The following NALF1 variants were observed in gnomAD, a reference collection of about 807,000 sequenced individuals.
NALF1 encodes the protein family with sequence similarity 155 member A.
A neutral mutation model predicts 48.4 loss-of-function variants in NALF1; 3 were observed. That is an observed-to-expected ratio of 0.06 (90% CI 0.03 to 0.16). The LOEUF (loss-of-function observed/expected upper bound fraction) is 0.16, where lower values mean the gene tolerates loss of function less well. Among genes scored for constraint, NALF1 ranks in the 10% least tolerant of loss-of-function variants. NALF1 has a pLI of 1.00. For synonymous variants in NALF1, 262 were observed against 245.7 expected (o/e 1.07, Z -0.62); for missense variants, 526 against 571.5 (o/e 0.92, Z 0.81).
At chr13:107,721,660 T>G (rs961640505) in intron 1 of NALF1, among the ~76,000 whole-genome samples, 10 of 152,082 alleles carry the variant, frequency 6.6e-5, no homozygotes, top group African/African-American at 2.4e-4. Flanking sequence ...CACTGGCTGT[T>G]TTTCTGGCAG....
intron 1 of NALF1, among the ~76,000 whole-genome samples, chr13:107,542,797 C>G (rs190721854): frequency 2.6e-5 from 4 of 152,124 alleles, no homozygotes; most frequent in Non-Finnish European, 5.9e-5. Flanking sequence ...TCAAATTTTT[C>G]TTAGAAAATC....
At chr13:107,720,886 T>C (rs1321815833) in intron 1 of NALF1, among the ~76,000 whole-genome samples, 1 of 152,182 alleles carries the variant, frequency 6.6e-6, no homozygotes, top group Non-Finnish European at 1.5e-5. Context: ...TTTTTATCCA[T>C]GCTGGCAGGA....
chr13:107,654,824 G>C (rs1234679774), intron 1 of NALF1, among the ~76,000 whole-genome samples: 2 of 152,006 alleles, frequency 1.3e-5, no homozygotes, highest in Non-Finnish European at 2.9e-5. Flanking sequence ...TTCATACCAG[G>C]GCTGCAGGAA....
intron 1 of NALF1, among the ~76,000 whole-genome samples, chr13:107,815,549 C>T (rs899637712): frequency 6.6e-6 from 1 of 152,100 alleles, no homozygotes; most frequent in African/African-American, 2.4e-5. Flanking sequence ...GGGACCCTTG[C>T]ACATTGCTAG....
At chr13:107,595,424 T>C (rs1425377916) in intron 1 of NALF1, among the ~76,000 whole-genome samples, 1 of 152,156 alleles carries the variant, frequency 6.6e-6, no homozygotes, top group Admixed American at 6.6e-5. Context: ...GTTCTACTGA[T>C]GGCACTAGAA....
intron 1 of NALF1, among the ~76,000 whole-genome samples, chr13:107,818,318 T>C (rs530221710): frequency 1.3e-5 from 2 of 152,284 alleles, no homozygotes; most frequent in East Asian, 3.9e-4. Context: ...GAGAGCCAAG[T>C]TCTCTCTGAG....
intron 1 of NALF1, among the ~76,000 whole-genome samples, chr13:107,810,212 C>T (rs1033578982): frequency 1.3e-5 from 2 of 152,196 alleles, no homozygotes; most frequent in African/African-American, 4.8e-5. Flanking sequence ...AATGGAAAAC[C>T]CATACTCTAC....
intron 1 of NALF1, among the ~76,000 whole-genome samples, chr13:107,745,440 G>C (rs973033156): frequency 6.6e-6 from 1 of 152,164 alleles, no homozygotes; most frequent in Non-Finnish European, 1.5e-5. Context: ...AGCAGTTCTA[G>C]TATGTTGCCT....
At chr13:107,405,236 A>G (rs9301220) in intron 1 of NALF1, among the ~76,000 whole-genome samples, 195 of 152,210 alleles carry the variant, frequency 1.3e-3, no homozygotes, top group African/African-American at 4.6e-3. Context: ...ATAAATGAAA[A>G]TATCCAGGAT....
chr13:107,299,476 A>AATAATAAT (rs1193044497), intron 1 of NALF1, among the ~76,000 whole-genome samples: 1 of 134,802 alleles, frequency 7.4e-6, no homozygotes, highest in African/African-American at 2.6e-5. Context: ...AATAATAAAT[A>AATAATAAT]AATAAATAAA....
At chr13:107,409,529 A>T (rs145193424) in intron 1 of NALF1, among the ~76,000 whole-genome samples, 74 of 152,268 alleles carry the variant, frequency 4.9e-4, no homozygotes, top group African/African-American at 1.8e-3. Flanking sequence ...TGGGGCTCAA[A>T]AATCAGTGTG....
intron 1 of NALF1, among the ~76,000 whole-genome samples, chr13:107,773,970 C>A (rs970237553): frequency 1.3e-5 from 2 of 151,850 alleles, no homozygotes; most frequent in Non-Finnish European, 2.9e-5. Flanking sequence ...GATCCTGCTG[C>A]AGATAGATTT....
At chr13:107,660,540 T>G (rs1040536474) in intron 1 of NALF1, among the ~76,000 whole-genome samples, 1 of 151,568 alleles carries the variant, frequency 6.6e-6, no homozygotes, top group African/African-American at 2.4e-5. Context: ...ACTGTTCATA[T>G]GAATGGTTTA....
intron 1 of NALF1, among the ~76,000 whole-genome samples, chr13:107,622,496 GA>G: frequency 6.6e-6 from 1 of 150,758 alleles, no homozygotes; most frequent in Admixed American, 6.6e-5. Context: ...AGAGAGAAAA[GA>G]AAAGAAAAAA....
intron 1 of NALF1, among the ~76,000 whole-genome samples, chr13:107,332,781 G>A (rs778705697): frequency 4.6e-5 from 7 of 152,090 alleles, no homozygotes; most frequent in African/African-American, 1.4e-4. Flanking sequence ...AAGGTCCCAC[G>A]AACCTTTGTT....
intron 1 of NALF1, among the ~76,000 whole-genome samples, chr13:107,675,111 T>G (rs945236870): frequency 6.6e-6 from 1 of 152,176 alleles, no homozygotes; most frequent in African/African-American, 2.4e-5. Context: ...ATTTCTATGC[T>G]TTTTTAAAGG....
At chr13:107,564,453 T>C (rs1474456494) in intron 1 of NALF1, among the ~76,000 whole-genome samples, 3 of 152,118 alleles carry the variant, frequency 2.0e-5, no homozygotes, top group African/African-American at 4.8e-5. Context: ...TTTCAACACG[T>C]AGGTCGTTTT....
At chr13:107,509,213 TATA>T (rs1875801811) in intron 1 of NALF1, among the ~76,000 whole-genome samples, 1 of 152,160 alleles carries the variant, frequency 6.6e-6, no homozygotes, top group Non-Finnish European at 1.5e-5. Context: ...CATATTGTTT[TATA>T]ATATTATATA....
intron 1 of NALF1, among the ~76,000 whole-genome samples, chr13:107,799,087 G>A (rs1878522956): frequency 6.6e-6 from 1 of 152,088 alleles, no homozygotes; most frequent in Non-Finnish European, 1.5e-5. Flanking sequence ...ATTCCCCAAA[G>A]CCTCTGCCCT....
Sources: allele counts gnomAD v4.1 joint callset (sites outside exome capture counted in the v4.1 genomes callset), GRCh38; gene constraint gnomAD v4.1.1; transcripts MANE v1.5; gene names NCBI Gene and HGNC (gene_info 2026-07-23, HGNC 2026-07-21).